FUT8: variants seen among roughly 807,000 people sequenced by gnomAD.
FUT8 encodes fucosyltransferase 8, also known as alpha-(1,6)-fucosyltransferase.
FUT8 carries 29 observed loss-of-function variants against 71.3 expected under a neutral mutation model. That is an observed-to-expected ratio of 0.41 (90% CI 0.30 to 0.55). The LOEUF (loss-of-function observed/expected upper bound fraction) is 0.55. Among genes scored for constraint, FUT8 ranks in the 20% least tolerant of loss-of-function variants. The pLI, the probability that FUT8 is intolerant of heterozygous loss-of-function variation, is 0.34. For synonymous variants in FUT8, 254 were observed against 239.3 expected (o/e 1.06, Z -0.57); for missense variants, 544 against 702.1 (o/e 0.77, Z 2.55).
At chr14:65,555,172 C>T (rs920115355) in intron 2 of FUT8, among the ~76,000 whole-genome samples, 11 of 152,224 alleles carry the variant, frequency 7.2e-5, no homozygotes, top group African/African-American at 2.6e-4. Flanking sequence ...ACTATATATG[C>T]CTCACATAGC....
At chr14:65,582,133 G>C (rs993771427) in intron 3 of FUT8, among the ~76,000 whole-genome samples, 4 of 152,136 alleles carry the variant, frequency 2.6e-5, no homozygotes, top group Non-Finnish European at 4.4e-5. Context: ...AGTGTCACAT[G>C]ATGAGTTGAG....
chr14:65,412,060 A>G (rs1420951568), upstream of FUT8: 1 of 456,670 alleles, frequency 2.2e-6, no homozygotes, highest in South Asian at 1.5e-5. Context: ...GTACTAAATA[A>G]ACTTCCGCCT....
intron 3 of FUT8, among the ~76,000 whole-genome samples, chr14:65,575,640 C>G (rs1886729663): frequency 7.1e-6 from 1 of 140,922 alleles, no homozygotes; most frequent in South Asian, 2.3e-4. Flanking sequence ...TTTTTTTCCC[C>G]CACACTCTTG....
chr14:65,549,470 A>G (rs953737239), intron 2 of FUT8, among the ~76,000 whole-genome samples: 5 of 152,056 alleles, frequency 3.3e-5, no homozygotes, highest in Admixed American at 1.3e-4. Context: ...TTTTATTTGT[A>G]TTTAAAAATA....
the FUT8 span, among the ~76,000 whole-genome samples, chr14:65,381,479 A>C: frequency 6.6e-6 from 1 of 152,218 alleles, no homozygotes; most frequent in South Asian, 2.1e-4. Flanking sequence ...TGAAAAGCAC[A>C]TTTAATTACT....
At chr14:65,436,291 CA>C (rs1203002021) in intron 1 of FUT8, among the ~76,000 whole-genome samples, 1 of 151,880 alleles carries the variant, frequency 6.6e-6, no homozygotes, top group East Asian at 1.9e-4. Context: ...ACAACAACAA[CA>C]AAAACTTTTC....
At chr14:65,358,607 G>C in the FUT8 span, among the ~76,000 whole-genome samples, 1 of 151,938 alleles carries the variant, frequency 6.6e-6, no homozygotes, top group East Asian at 1.9e-4. Flanking sequence ...GTGCATGCCC[G>C]GCTAATTTTT....
chr14:65,609,792 C>T (rs1888784929), intron 3 of FUT8, among the ~76,000 whole-genome samples: 2 of 151,658 alleles, frequency 1.3e-5, no homozygotes, highest in African/African-American at 4.8e-5. Flanking sequence ...TGGTGTTTGC[C>T]TTTTAGTTTT....
At chr14:65,360,259 ACT>A in the FUT8 span, among the ~76,000 whole-genome samples, 2 of 152,118 alleles carry the variant, frequency 1.3e-5, no homozygotes, top group African/African-American at 2.4e-5. Context: ...ACATGAAACA[ACT>A]CTGTCAGTCT....
chr14:65,525,435 C>A (rs1883387757), intron 2 of FUT8, among the ~76,000 whole-genome samples: 1 of 152,062 alleles, frequency 6.6e-6, no homozygotes, highest in Non-Finnish European at 1.5e-5. Flanking sequence ...TTTATTGCGT[C>A]CATTTGATTC....
chr14:65,400,911 T>C, the FUT8 span, among the ~76,000 whole-genome samples: 2 of 152,190 alleles, frequency 1.3e-5, no homozygotes, highest in South Asian at 2.1e-4. Flanking sequence ...CTTTCTTATA[T>C]GAAGACAGTT....
chr14:65,647,115 A>T (rs1891156908), intron 6 of FUT8, among the ~76,000 whole-genome samples: 1 of 152,224 alleles, frequency 6.6e-6, no homozygotes, highest in Non-Finnish European at 1.5e-5. Flanking sequence ...TTCTATAGAA[A>T]ATTGTGACAT....
chr14:65,674,175 C>T (rs1375940001), intron 7 of FUT8, among the ~76,000 whole-genome samples: 1 of 152,114 alleles, frequency 6.6e-6, no homozygotes, highest in African/African-American at 2.4e-5. Flanking sequence ...GTAGTATTTT[C>T]AGTCTTTGAT....
intron 10 of FUT8, among the ~76,000 whole-genome samples, chr14:65,739,214 T>A (rs1425262521): frequency 6.6e-6 from 1 of 151,950 alleles, no homozygotes; most frequent in African/African-American, 2.4e-5. Flanking sequence ...CGGTGCTCAT[T>A]AAGTTCAGCT....
chr14:65,691,890 T>A (rs965675549), intron 7 of FUT8, among the ~76,000 whole-genome samples: 5 of 152,060 alleles, frequency 3.3e-5, no homozygotes, highest in African/African-American at 9.7e-5. Flanking sequence ...TAGACACAGC[T>A]CATGTTTCAG....
rs776312859 is a variant in FUT8 at position 65,629,589 on chromosome 14, A to C, written c.580A>C (p.Arg194=). 6.2e-7 allele frequency: 1 copy of C among 1,611,974 alleles called. No homozygotes were observed. The highest frequency in any genetic ancestry group is 1.3e-5 in the African/African-American group (1 of 75,024). ...AKDLTELVQR[R]ITYLQNPKDC... The stretch of plus-strand genomic sequence containing the variant: ...AGATCTGACAGAACTGGTTCAGCGG[A>C]GAATAACATATCTTCAGGTAAGAAG... The change falls in exon 6 of 11, where the codon AGA becomes CGA. Residue 194 remains arginine (R), a synonymous_variant. Transcript: ENST00000673929.
At chr14:65,368,877 C>T in the FUT8 span, among the ~76,000 whole-genome samples, 2 of 152,004 alleles carry the variant, frequency 1.3e-5, no homozygotes, top group Non-Finnish European at 2.9e-5. Flanking sequence ...AGGCTAGTCT[C>T]GAACTCCTGA....
At chr14:65,430,353 T>TA (rs1019878739) in intron 1 of FUT8, 1 of 152,142 alleles carries the variant, frequency 6.6e-6, no homozygotes, top group Non-Finnish European at 1.5e-5. Flanking sequence ...GAAAATGTGT[T>TA]ATGCCATATT....
At chr14:65,635,189 T>A (rs1890480785) in intron 6 of FUT8, among the ~76,000 whole-genome samples, 1 of 152,228 alleles carries the variant, frequency 6.6e-6, no homozygotes, top group South Asian at 2.1e-4. Context: ...TGTATGTTAA[T>A]GTTGTTTCCG....
Sources: gnomAD v4.1 joint callset for allele counts (sites outside exome capture counted in the v4.1 genomes callset) on GRCh38, gnomAD v4.1.1 for gene constraint, MANE v1.5 for transcripts, NCBI Gene and HGNC (gene_info 2026-07-23, HGNC 2026-07-21) for gene names.